The following CCSER1 variants were observed in gnomAD, a reference collection of about 807,000 sequenced individuals.
The protein encoded by CCSER1 is coiled-coil serine rich protein 1.
In CCSER1, 41 loss-of-function variants were observed where a neutral mutation model predicts 82.0. The ratio of observed to expected loss-of-function variants is 0.50; its 90% confidence interval spans 0.39 to 0.65. The LOEUF is 0.65. Ranked by LOEUF, CCSER1 falls within the 30% of genes least tolerant of loss-of-function variation. The pLI is 0.00. For missense variants in CCSER1, 1,119 were observed against 1,064.2 expected (o/e 1.05, Z -0.72); for synonymous variants, 414 against 383.9 (o/e 1.08, Z -0.92).
intron 1 of CCSER1, among the ~76,000 whole-genome samples, chr4:90,151,958 A>T (rs1180878864): frequency 6.6e-6 from 1 of 152,210 alleles, no homozygotes; most frequent in Non-Finnish European, 1.5e-5. Context: ...GTGAATATAA[A>T]AAAAGAAGAG....
chr4:90,539,263 T>C (rs1194995744), intron 5 of CCSER1, among the ~76,000 whole-genome samples: 1 of 152,044 alleles, frequency 6.6e-6, no homozygotes, highest in Non-Finnish European at 1.5e-5. Context: ...AACTAACAAA[T>C]GAGTGTAGGT....
At chr4:91,013,414 C>T (rs1459791239) in intron 9 of CCSER1, among the ~76,000 whole-genome samples, 2 of 132,824 alleles carry the variant, frequency 1.5e-5, no homozygotes, top group African/African-American at 5.0e-5. Flanking sequence ...CTATTCTGAT[C>T]CATTGTTCTA....
chr4:90,455,803 T>G lies in CCSER1; in HGVS notation c.1604-12431T>G, dbSNP rs76775314. On this transcript the variant is annotated intron_variant, in intron 4 of 10. Transcript: ENST00000509176. ...CTTATCTATGCCATGGGTAGGAGGA[T>G]GACCTCCATCCACGATGCAGGAGGG... is the stretch of plus-strand genomic sequence containing the variant. Among the ~76,000 whole-genome samples the G allele has an allele frequency of 9.7e-3, 1,478 of 152,276 alleles. 23 individuals are homozygous for G. Among genetic ancestry groups the G allele is most frequent in the African/African-American group, 0.034 (1,401 of 41,540 alleles).
At chr4:91,414,772 TAAAC>T (rs1334768066) in intron 10 of CCSER1, among the ~76,000 whole-genome samples, 1 of 152,072 alleles carries the variant, frequency 6.6e-6, no homozygotes, top group Non-Finnish European at 1.5e-5. Context: ...ATATTTATAT[TAAAC>T]AAAATACACT....
intron 10 of CCSER1, among the ~76,000 whole-genome samples, chr4:91,146,080 CT>C (rs2148940170): frequency 6.6e-6 from 1 of 152,252 alleles, no homozygotes; most frequent in East Asian, 1.9e-4. Flanking sequence ...GATTTGGTCT[CT>C]CTGTACAATC....
intron 1 of CCSER1, among the ~76,000 whole-genome samples, chr4:90,199,135 T>G (rs1051866697): frequency 4.6e-5 from 7 of 152,208 alleles, no homozygotes; most frequent in Admixed American, 1.3e-4. Context: ...TCTTTAGGTT[T>G]GCAAATAGTG....
intron 10 of CCSER1, among the ~76,000 whole-genome samples, chr4:91,242,721 A>G (rs1464037060): frequency 6.6e-6 from 1 of 152,178 alleles, no homozygotes; most frequent in Non-Finnish European, 1.5e-5. Context: ...ATGGACTGGG[A>G]TAAAATATTC....
At chr4:90,566,096 G>T (rs1411074696) in intron 5 of CCSER1, among the ~76,000 whole-genome samples, 2 of 149,626 alleles carry the variant, frequency 1.3e-5, no homozygotes, top group African/African-American at 4.9e-5. Flanking sequence ...GACCTCAAAT[G>T]ATCCACCTGC....
intron 6 of CCSER1, among the ~76,000 whole-genome samples, chr4:90,642,832 G>A (rs1451444822): frequency 1.3e-5 from 2 of 152,004 alleles, no homozygotes; most frequent in Non-Finnish European, 2.9e-5. Flanking sequence ...CCCAGCCTGG[G>A]CAACAAAGCA....
intron 1 of CCSER1, among the ~76,000 whole-genome samples, chr4:90,299,027 T>G (rs977226636): frequency 6.6e-6 from 1 of 152,226 alleles, no homozygotes; most frequent in South Asian, 2.1e-4. Context: ...CATTAAAAAC[T>G]AAGATTGTAT....
At chr4:91,508,212 C>T (rs1177460400) in intron 10 of CCSER1, among the ~76,000 whole-genome samples, 2 of 134,010 alleles carry the variant, frequency 1.5e-5, no homozygotes, top group African/African-American at 5.5e-5. Context: ...AGTCTTTTAC[C>T]ATTAAGCATG....
intron 8 of CCSER1, among the ~76,000 whole-genome samples, chr4:90,913,029 G>A (rs1486596166): frequency 1.3e-5 from 2 of 152,196 alleles, no homozygotes; most frequent in Admixed American, 6.5e-5. Context: ...ACCTGAAAGT[G>A]ACGGGGAGAA....
At chr4:91,491,431 C>T (rs974817082) in intron 10 of CCSER1, among the ~76,000 whole-genome samples, 2 of 151,964 alleles carry the variant, frequency 1.3e-5, no homozygotes, top group Non-Finnish European at 2.9e-5. Flanking sequence ...AATTAGATGT[C>T]AGCTATACTC....
At chr4:91,159,348 T>C (rs983700608) in intron 10 of CCSER1, among the ~76,000 whole-genome samples, 2 of 151,940 alleles carry the variant, frequency 1.3e-5, no homozygotes, top group Non-Finnish European at 2.9e-5. Flanking sequence ...AATTATTTCA[T>C]TCTGTGTTCC....
At chr4:91,498,480 T>TA (rs1168556549) in intron 10 of CCSER1, among the ~76,000 whole-genome samples, 11 of 151,638 alleles carry the variant, frequency 7.3e-5, no homozygotes, top group African/African-American at 2.4e-4. Flanking sequence ...ATTTTCAGGG[T>TA]GACCTTGAGA....
At chr4:91,419,424 C>T (rs1753570652) in intron 10 of CCSER1, among the ~76,000 whole-genome samples, 1 of 151,810 alleles carries the variant, frequency 6.6e-6, no homozygotes, top group African/African-American at 2.4e-5. Flanking sequence ...TTACAATGAG[C>T]CACCTGAAAA....
chr4:91,498,545 T>G (rs1759049832), intron 10 of CCSER1, among the ~76,000 whole-genome samples: 1 of 151,808 alleles, frequency 6.6e-6, no homozygotes, highest in African/African-American at 2.4e-5. Flanking sequence ...TAATAATAAT[T>G]GATAAATATT....
At chr4:90,483,871 G>T (rs1253360860) in intron 5 of CCSER1, among the ~76,000 whole-genome samples, 1 of 152,140 alleles carries the variant, frequency 6.6e-6, no homozygotes, top group Non-Finnish European at 1.5e-5. Context: ...TCTTCTTGTG[G>T]AGTATCTTTG....
chr4:90,813,734 A>G (rs1464054733), intron 7 of CCSER1, among the ~76,000 whole-genome samples: 1 of 152,186 alleles, frequency 6.6e-6, no homozygotes, highest in Non-Finnish European at 1.5e-5. Context: ...AAGTCCAATT[A>G]AACCTCTTTT....
Sources: gnomAD v4.1 joint callset for allele counts (sites outside exome capture counted in the v4.1 genomes callset) on GRCh38, gnomAD v4.1.1 for gene constraint, MANE v1.5 for transcripts, NCBI Gene and HGNC (gene_info 2026-07-23, HGNC 2026-07-21) for gene names.